Variants in ZFHX3 observed in about 807,000 individuals in gnomAD.
ZFHX3 encodes zinc finger homeobox protein 3.
A neutral mutation model predicts 279.1 loss-of-function variants in ZFHX3; 42 were observed. The ratio of observed to expected loss-of-function variants is 0.15; its 90% confidence interval spans 0.12 to 0.19. ZFHX3 has a LOEUF of 0.19. ZFHX3 is among the 10% of genes least tolerant of loss of function. The probability of loss-of-function intolerance (pLI) is 1.00; values close to 1 mark genes in which losing one functional copy is unlikely to be tolerated. For missense variants in ZFHX3, 4,981 were observed against 4,754.0 expected (o/e 1.05, Z -1.40); for synonymous variants, 2,293 against 1,957.8 (o/e 1.17, Z -4.52).
At chr16:73,084,589 C>T (rs1354274683) in intron 8 of ZFHX3, among the ~76,000 whole-genome samples, 8 of 142,900 alleles carry the variant, frequency 5.6e-5, no homozygotes, top group South Asian at 2.2e-4. Context: ...GGCACGATCT[C>T]GGCTCACTGC....
intron 4 of ZFHX3, among the ~76,000 whole-genome samples, chr16:73,285,946 T>C (rs2014584868): frequency 6.6e-6 from 1 of 152,240 alleles, no homozygotes. Context: ...TTTGCATATA[T>C]TATATTTTAA....
chr16:73,100,297 C>A (rs1365642153), intron 7 of ZFHX3, among the ~76,000 whole-genome samples: 3 of 152,134 alleles, frequency 2.0e-5, no homozygotes, highest in African/African-American at 7.2e-5. Context: ...CAGCCCAAAG[C>A]CCATGGTAAG....
chr16:72,907,914 C>T (rs955470036), intron 3 of ZFHX3, among the ~76,000 whole-genome samples: 1 of 152,020 alleles, frequency 6.6e-6, no homozygotes, highest in East Asian at 1.9e-4. Flanking sequence ...AAACTCCTGG[C>T]CTCAAGTGAT....
chr16:73,383,101 G>T (rs2016843067), intron 3 of ZFHX3, among the ~76,000 whole-genome samples: 1 of 152,222 alleles, frequency 6.6e-6, no homozygotes, highest in African/African-American at 2.4e-5. Context: ...GGGAGGAGGG[G>T]GTTGCACTGA....
Position 72,811,780 on chromosome 16 carries a change from G to A in ZFHX3, c.3664-3C>T. On this transcript the variant is annotated splice_region_variant and splice_polypyrimidine_tract_variant and intron_variant, in intron 6 of 9. Coordinates refer to ENST00000268489, the MANE Select transcript of ZFHX3 (RefSeq NM_006885.4). The stretch of plus-strand genomic sequence containing the variant: ...TTGCAGTAGGGACACTGGTACATCT[G>A]TGGGGAACACACCCACTGCTTTGAG... 1.2e-6 allele frequency: 2 copies of A among 1,612,410 alleles called. No homozygotes were observed. The highest frequency in any genetic ancestry group is 1.3e-5 in the African/African-American group (1 of 75,052).
intron 5 of ZFHX3, among the ~76,000 whole-genome samples, chr16:73,249,824 T>TCACACACACACACACACACA (rs143652574): frequency 4.7e-5 from 7 of 148,674 alleles, no homozygotes; most frequent in African/African-American, 1.7e-4. Context: ...AACAGGCACT[T>TCACACACACACACACACACA]CACACACACA....
chr16:73,657,382 C>T (rs1268616816), intron 2 of ZFHX3, among the ~76,000 whole-genome samples: 1 of 152,266 alleles, frequency 6.6e-6, no homozygotes, highest in Middle Eastern at 3.4e-3. Flanking sequence ...CACCTAAATC[C>T]GGGAGGCAGA....
chr16:73,117,800 T>C (rs1966450052), intron 7 of ZFHX3, among the ~76,000 whole-genome samples: 1 of 152,092 alleles, frequency 6.6e-6, no homozygotes, highest in African/African-American at 2.4e-5. Context: ...TTAGTGCCCT[T>C]ATAAAAAAGG....
At chr16:73,618,495 C>G (rs956461920) in intron 2 of ZFHX3, among the ~76,000 whole-genome samples, 3 of 152,108 alleles carry the variant, frequency 2.0e-5, no homozygotes, top group Non-Finnish European at 4.4e-5. Context: ...AGTAACTTAT[C>G]CAAGTTTCCA....
At position 72,788,245 on chromosome 16, in the gene ZFHX3, T is replaced by C. The variant is rs187184056; in HGVS notation, c.10031A>G (p.Tyr3344Cys). The change falls in exon 10 of 10, where the codon TAC becomes TGC. Residue 3344 changes from tyrosine (Y) to cysteine (C), a missense_variant. Coordinates refer to ENST00000268489, the MANE Select transcript of ZFHX3 (RefSeq NM_006885.4). ...CAGGGCCTGCGACAGTGCAGGGCTGTAGGGGAACAGGCCTTCCATGCCATA... is the reference window on the plus strand; with the variant it reads ...CAGGGCCTGCGACAGTGCAGGGCTGCAGGGGAACAGGCCTTCCATGCCATA... ...PMYGMEGLFP[Y>C]SPALSQALMG... The C allele has an allele frequency of 4.3e-6, 7 of 1,614,094 alleles. No homozygotes were observed. The African/African-American group carries it at 8.0e-5, about 18-fold the overall frequency.
At position 72,798,719 on chromosome 16, in the gene ZFHX3, TAA is replaced by T. The variant is rs75174704; in HGVS notation, c.3968-7_3968-6del. ...TTCCCAGATCCTCTGAGGTTTCTGTTAAAAAAAAAAAAAAAATCAAACCCAAA... is the reference window on the plus strand; with the variant it reads ...TTCCCAGATCCTCTGAGGTTTCTGTTAAAAAAAAAAAAAATCAAACCCAAA... On this transcript the variant is annotated splice_region_variant and splice_polypyrimidine_tract_variant and intron_variant, in intron 8 of 9. Transcript: ENST00000268489. 1.8e-3 allele frequency: 2,514 copies of T among 1,416,590 alleles called. No individual in the cohort carries two copies. Among genetic ancestry groups the T allele is most frequent in the South Asian group, 6.7e-3 (441 of 65,920 alleles). 87.8% of individuals were successfully genotyped at this position (1,416,590 alleles called of 1,614,324 possible). A position where few individuals can be genotyped will look rare whatever the true frequency, so the allele number is the denominator to read the frequency against.
At chr16:73,335,761 C>T (rs1014672418) in intron 3 of ZFHX3, among the ~76,000 whole-genome samples, 2 of 152,200 alleles carry the variant, frequency 1.3e-5, no homozygotes, top group Non-Finnish European at 2.9e-5. Flanking sequence ...TGGGGGAAGG[C>T]ACAGAGTCCC....
intron 4 of ZFHX3, among the ~76,000 whole-genome samples, chr16:72,857,258 G>A (rs2037774871): frequency 6.6e-6 from 1 of 152,232 alleles, no homozygotes; most frequent in African/African-American, 2.4e-5. Flanking sequence ...GCAAGATGCT[G>A]TATTCTGTAT....
chr16:73,576,347 G>T (rs771706421), intron 2 of ZFHX3, among the ~76,000 whole-genome samples: 2 of 152,134 alleles, frequency 1.3e-5, no homozygotes, highest in African/African-American at 2.4e-5. Flanking sequence ...GAGGTCACTC[G>T]AGGGCTGTGC....
intron 3 of ZFHX3, among the ~76,000 whole-genome samples, chr16:72,894,022 G>A (rs1597354315): frequency 6.6e-6 from 1 of 151,950 alleles, no homozygotes; most frequent in East Asian, 1.9e-4. Flanking sequence ...AATGGTGGGT[G>A]CCTGTAGTCC....
chr16:73,635,872 T>A (rs1048445931), intron 2 of ZFHX3, among the ~76,000 whole-genome samples: 2 of 152,240 alleles, frequency 1.3e-5, no homozygotes, highest in Non-Finnish European at 2.9e-5. Flanking sequence ...AAGAGTTGTT[T>A]ATGTTGGCAT....
chr16:73,045,303 T>C (rs1042745546), intron 1 of ZFHX3, among the ~76,000 whole-genome samples: 3 of 152,246 alleles, frequency 2.0e-5, no homozygotes, highest in Non-Finnish European at 1.5e-5. Flanking sequence ...CTAACCACTT[T>C]TGGGTCACCA....
At position 73,684,514 on chromosome 16, in the gene ZFHX3, A is replaced by G. The variant is rs116662629; in HGVS notation, c.-1607-4274T>C. On this transcript the variant is annotated intron_variant, in intron 1 of 17. Coordinates refer to the ZFHX3 transcript ENST00000641206. ...AGGAATGTGCATATTGGATTAAGGT[A>G]GGTAGAATAATGGCTTCCCAAACAT... 6.6e-3 allele frequency among the ~76,000 whole-genome samples: 1,008 copies of G among 152,292 alleles called. 12 individuals are homozygous for G. Among genetic ancestry groups the G allele is most frequent in the African/African-American group, 0.023 (939 of 41,550 alleles).
At chr16:73,344,938 C>A (rs2016096840) in intron 3 of ZFHX3, among the ~76,000 whole-genome samples, 1 of 152,150 alleles carries the variant, frequency 6.6e-6, no homozygotes, top group Non-Finnish European at 1.5e-5. Context: ...GTTTTGACAC[C>A]TGCTTGTGAA....
Sources: gnomAD v4.1 joint callset for allele counts (sites outside exome capture counted in the v4.1 genomes callset) on GRCh38, gnomAD v4.1.1 for gene constraint, MANE v1.5 for transcripts, NCBI Gene and HGNC (gene_info 2026-07-23, HGNC 2026-07-21) for gene names.